PSD3: variants seen among roughly 807,000 people sequenced by gnomAD.
The protein encoded by PSD3 is PH and SEC7 domain-containing protein 3.
Under a neutral mutation model 105.5 loss-of-function variants are expected in PSD3, and 49 were observed. The observed-to-expected ratio is 0.46, with a 90% CI of 0.37 to 0.59. The LOEUF is 0.59. Ranked by LOEUF, PSD3 falls within the 20% of genes least tolerant of loss-of-function variation. The pLI is 0.00. For synonymous variants in PSD3, 557 were observed against 457.8 expected (o/e 1.22, Z -2.77); for missense variants, 1,561 against 1,263.8 (o/e 1.24, Z -3.57).
chr8:18,573,814 C>T (rs147909542), intron 13 of PSD3, among the ~76,000 whole-genome samples: 25 of 152,168 alleles, frequency 1.6e-4, no homozygotes, highest in African/African-American at 4.6e-4. Flanking sequence ...CTACAAAATG[C>T]GCACGGGGAT....
At chr8:18,686,541 T>C (rs1800671240) in intron 9 of PSD3, among the ~76,000 whole-genome samples, 1 of 152,186 alleles carries the variant, frequency 6.6e-6, no homozygotes, top group Non-Finnish European at 1.5e-5. Flanking sequence ...ACTCCTACAA[T>C]GCTGCTAGCA....
chr8:19,003,993 A>C (rs1036370516), intron 1 of PSD3, among the ~76,000 whole-genome samples: 2 of 152,094 alleles, frequency 1.3e-5, no homozygotes, highest in Non-Finnish European at 2.9e-5. Context: ...GATTAGGAAG[A>C]CTGCTCCTTC....
At chr8:18,997,976 A>T (rs768757718) in intron 1 of PSD3, among the ~76,000 whole-genome samples, 1 of 151,996 alleles carries the variant, frequency 6.6e-6, no homozygotes, top group Non-Finnish European at 1.5e-5. Context: ...TGTAAGAACA[A>T]GGATTTTTTT....
intron 2 of PSD3, among the ~76,000 whole-genome samples, chr8:18,897,523 T>C (rs1045186639): frequency 5.3e-5 from 8 of 152,182 alleles, no homozygotes; most frequent in African/African-American, 1.9e-4. Flanking sequence ...GGACTGTTTT[T>C]TCTATTTCTG....
At chr8:18,802,095 G>A (rs2468000) in intron 6 of PSD3, among the ~76,000 whole-genome samples, 139,851 of 152,294 alleles carry the variant, frequency 0.92, 64,350 homozygotes, top group African/African-American at 0.95. Context: ...ACTATGGATT[G>A]CATTGCTTTG....
chr8:18,583,687 T>A (rs1043150501), intron 12 of PSD3, among the ~76,000 whole-genome samples: 2 of 152,166 alleles, frequency 1.3e-5, no homozygotes, highest in Non-Finnish European at 2.9e-5. Context: ...TCATGAACTC[T>A]TTCATGAGCT....
intron 2 of PSD3, among the ~76,000 whole-genome samples, chr8:18,889,803 G>T (rs1818670997): frequency 6.6e-6 from 1 of 152,052 alleles, no homozygotes; most frequent in South Asian, 2.1e-4. Context: ...ACAAATTTTA[G>T]AACAAAATTT....
intron 1 of PSD3, among the ~76,000 whole-genome samples, chr8:18,955,312 T>C (rs59569546): frequency 0.39 from 59,572 of 151,904 alleles, 11,856 homozygotes; most frequent in Non-Finnish European, 0.41. Flanking sequence ...ACGATCATAG[T>C]TCACTGCAGC....
intron 9 of PSD3, among the ~76,000 whole-genome samples, chr8:18,674,540 C>T (rs1216157125): frequency 6.6e-6 from 1 of 152,074 alleles, no homozygotes; most frequent in East Asian, 1.9e-4. Flanking sequence ...ACCTTAAATT[C>T]TAATTTAAGA....
chr8:18,600,543 A>G, intron 11 of PSD3, 109 bp from the exon 12 acceptor site: 1 of 898,810 alleles, frequency 1.1e-6, no homozygotes, highest in Non-Finnish European at 1.7e-6. Flanking sequence ...TAGCTACCGA[A>G]AGTAATAACA....
intron 2 of PSD3, among the ~76,000 whole-genome samples, chr8:18,894,097 T>C (rs569761461): frequency 2.6e-4 from 39 of 152,314 alleles, no homozygotes; most frequent in South Asian, 6.2e-4. Context: ...CAGTAAGAAT[T>C]AGCTGTTATT....
chr8:18,756,295 T>C (rs76490266), intron 9 of PSD3, among the ~76,000 whole-genome samples: 11 of 152,310 alleles, frequency 7.2e-5, no homozygotes, highest in South Asian at 6.2e-4. Flanking sequence ...TCAAGTATTT[T>C]TGAGAATTCA....
chr8:18,726,032 C>A (rs1803312595), intron 9 of PSD3, among the ~76,000 whole-genome samples: 1 of 152,198 alleles, frequency 6.6e-6, no homozygotes. Flanking sequence ...CCAAGCCATA[C>A]TTATCTCTCA....
At chr8:19,047,515 G>C (rs932922699) in intron 1 of PSD3, among the ~76,000 whole-genome samples, 7 of 152,248 alleles carry the variant, frequency 4.6e-5, no homozygotes, top group African/African-American at 1.4e-4. Flanking sequence ...GAATGTGGAG[G>C]GGGTAAATGA....
chr8:18,871,637 T>G lies in PSD3; in HGVS notation c.1227A>C (p.Arg409Ser). ...CTATGGGAGCTCACCTTTCCCTGTC[T>G]CTCTCTGGTTTAGGTGTCTTCTCAA... ...QHLEKTPKPERDRERISEQEE... is the reference protein window; with the variant it reads ...QHLEKTPKPESDRERISEQEE... The change falls in exon 3 of 16, where the codon AGA becomes AGC. Residue 409 changes from arginine to serine, a missense_variant. Transcript: ENST00000327040. 2.5e-6 allele frequency: 4 copies of G among 1,603,044 alleles called. No individual in the cohort carries two copies. The highest frequency in any genetic ancestry group is 3.4e-6 in the Non-Finnish European group (4 of 1,174,640).
intron 1 of PSD3, among the ~76,000 whole-genome samples, chr8:19,045,070 A>T (rs929454172): frequency 3.3e-5 from 5 of 152,290 alleles, no homozygotes; most frequent in Admixed American, 6.5e-5. Flanking sequence ...CAGTAGTCCC[A>T]GCTACTTGGG....
intron 9 of PSD3, among the ~76,000 whole-genome samples, chr8:18,691,565 C>G (rs1800974462): frequency 6.6e-6 from 1 of 152,218 alleles, no homozygotes; most frequent in Admixed American, 6.5e-5. Flanking sequence ...AAAGTAAACA[C>G]AAAATGCAAA....
intron 8 of PSD3, among the ~76,000 whole-genome samples, chr8:18,795,932 G>A (rs965843539): frequency 3.3e-5 from 5 of 152,240 alleles, no homozygotes; most frequent in Admixed American, 2.6e-4. Flanking sequence ...AGAAACTCTA[G>A]AGTTTAAGAG....
Position 18,745,453 on chromosome 8 carries a change from C to G in PSD3, c.2172+19996G>C, listed in dbSNP as rs924687343. Among the ~76,000 whole-genome samples, 4 of 152,140 alleles carry G rather than the reference C, an allele frequency of 2.6e-5. No homozygotes were observed. In the East Asian group the frequency reaches 7.7e-4, roughly 29 times the overall value. On this transcript the variant is annotated intron_variant, in intron 9 of 15. Transcript: ENST00000327040. The stretch of plus-strand genomic sequence containing the variant: ...GTTGCTCAAATTGTTCCAGCTTTGG[C>G]CATTAGGAGCTCCTCCAGGTTGGCT...
Sources: allele counts gnomAD v4.1 joint callset (sites outside exome capture counted in the v4.1 genomes callset), GRCh38; gene constraint gnomAD v4.1.1; transcripts MANE v1.5; gene names NCBI Gene and HGNC (gene_info 2026-07-23, HGNC 2026-07-21).